Variants in RFX3 observed in about 807,000 individuals in gnomAD.
The protein encoded by RFX3 is regulatory factor X3, also known as transcription factor RFX3.
RFX3 carries 14 observed loss-of-function variants against 98.6 expected under a neutral mutation model. The ratio of observed to expected loss-of-function variants is 0.14; its 90% CI spans 0.09 to 0.22. RFX3 has a LOEUF of 0.22. Ranked by LOEUF, RFX3 falls within the 10% of genes least tolerant of loss-of-function variation. The pLI, the probability that RFX3 is intolerant of heterozygous loss-of-function variation, is 1.00. For synonymous variants in RFX3, 383 were observed against 328.4 expected (o/e 1.17, Z -1.80); for missense variants, 639 against 926.9 (o/e 0.69, Z 4.03).
chr9:3,305,770 G>A (rs1829227892), intron 4 of RFX3, among the ~76,000 whole-genome samples: 2 of 151,980 alleles, frequency 1.3e-5, no homozygotes, highest in Admixed American at 1.3e-4. Flanking sequence ...TAGATAAAAT[G>A]TTAGTGAATT....
In RFX3 at chr9:3,351,909, T is replaced by C. The variant is rs554160549; in HGVS notation, c.118-5145A>G. Among the ~76,000 whole-genome samples the C allele has an allele frequency of 4.3e-4, 66 of 152,118 alleles. 3 individuals carry two copies. The South Asian group carries it at 0.013, about 30-fold the overall frequency. On this transcript the variant is annotated intron_variant, in intron 2 of 16. Transcript: ENST00000617270. ...GTAATTTATAAGCAGGCATATCATT[T>C]GACATTTTTGTGAATTTATTCAACA... is the stretch of plus-strand genomic sequence containing the variant.
At chr9:3,471,970 A>C (rs1218822651) in intron 1 of RFX3, among the ~76,000 whole-genome samples, 1 of 152,226 alleles carries the variant, frequency 6.6e-6, no homozygotes, top group Admixed American at 6.5e-5. Flanking sequence ...CTCGTGGCTG[A>C]CTTATGATAA....
rs542143230 is a variant in RFX3 at position 3,437,299 on chromosome 9, C to T, written c.-8-41703G>A. 7.6e-4 allele frequency among the ~76,000 whole-genome samples: 116 copies of T among 152,112 alleles called. 1 individual carries two copies. The highest frequency in any genetic ancestry group is 2.7e-3 in the African/African-American group (113 of 41,534). On this transcript the variant is annotated intron_variant, in intron 1 of 16. Transcript: ENST00000617270. Reference sequence around the variant, plus strand: ...GAGACATTTAGTTTTTGGCATCATTCGTCAGCTTACAAATCATCAGTCCTA... The same window carrying T: ...GAGACATTTAGTTTTTGGCATCATTTGTCAGCTTACAAATCATCAGTCCTA...
chr9:3,524,849 A>G (rs963909316), intron 1 of RFX3, among the ~76,000 whole-genome samples: 181 of 136,772 alleles, frequency 1.3e-3, no homozygotes, highest in African/African-American at 4.3e-3. Context: ...ACACACACAC[A>G]CACACACACA....
intron 2 of RFX3, among the ~76,000 whole-genome samples, chr9:3,372,533 T>TCTTTCTTC (rs1265618505): frequency 2.2e-4 from 32 of 145,170 alleles, no homozygotes; most frequent in African/African-American, 7.8e-4. Flanking sequence ...ATCTTTTTTT[T>TCTTTCTTC]CTTTCTTTCT....
chr9:3,330,175 G>T (rs1202387905), intron 4 of RFX3, 84 bp downstream of exon 4: 11 of 1,401,506 alleles, frequency 7.8e-6, no homozygotes, highest in South Asian at 1.3e-5. Context: ...TCCCATCTGT[G>T]TTGTTCTTTT....
intron 4 of RFX3, among the ~76,000 whole-genome samples, chr9:3,329,266 G>T (rs887574260): frequency 1.3e-5 from 2 of 151,758 alleles, no homozygotes; most frequent in Non-Finnish European, 2.9e-5. Flanking sequence ...AAATTAGCCA[G>T]GCATGGTGGC....
intron 4 of RFX3, among the ~76,000 whole-genome samples, chr9:3,317,950 G>C (rs963935847): frequency 3.3e-5 from 5 of 152,194 alleles, no homozygotes; most frequent in African/African-American, 1.2e-4. Context: ...TAACCATTGT[G>C]AAAGACAGTG....
At chr9:3,382,899 T>C (rs1839338341) in intron 2 of RFX3, among the ~76,000 whole-genome samples, 1 of 152,172 alleles carries the variant, frequency 6.6e-6, no homozygotes, top group Non-Finnish European at 1.5e-5. Context: ...TTGCTTAGAA[T>C]ATATATGGCA....
chr9:3,408,849 C>T (rs954808248), intron 1 of RFX3, among the ~76,000 whole-genome samples: 1 of 152,118 alleles, frequency 6.6e-6, no homozygotes. Flanking sequence ...TTTCCCCGTC[C>T]CTGGCAGAGA....
chr9:3,450,650 T>A (rs1479138565), intron 1 of RFX3, among the ~76,000 whole-genome samples: 1 of 152,184 alleles, frequency 6.6e-6, no homozygotes, highest in Non-Finnish European at 1.5e-5. Flanking sequence ...CCAGAGTTAA[T>A]CCCAACCTGC....
intron 1 of RFX3, among the ~76,000 whole-genome samples, chr9:3,467,156 T>C (rs200419828): frequency 2.4e-5 from 3 of 122,662 alleles, no homozygotes; most frequent in South Asian, 2.3e-4. Context: ...ATAATATATA[T>C]GTATATACGT....
intron 1 of RFX3, among the ~76,000 whole-genome samples, chr9:3,442,273 A>G (rs1359936305): frequency 6.6e-6 from 1 of 152,206 alleles, no homozygotes; most frequent in Non-Finnish European, 1.5e-5. Flanking sequence ...AATCAAGGTT[A>G]AGCAACATCA....
At chr9:3,294,860 C>T (rs1586919905) in intron 5 of RFX3, among the ~76,000 whole-genome samples, 1 of 152,048 alleles carries the variant, frequency 6.6e-6, no homozygotes, top group South Asian at 2.1e-4. Flanking sequence ...GACACATATA[C>T]GAATGAATAT....
At chr9:3,383,640 G>C (rs755805847) in intron 2 of RFX3, among the ~76,000 whole-genome samples, 29 of 152,182 alleles carry the variant, frequency 1.9e-4, no homozygotes, top group Non-Finnish European at 3.7e-4. Flanking sequence ...AAAGAGAGTG[G>C]CTCCAGTTTG....
At chr9:3,311,309 A>C (rs773257527) in intron 4 of RFX3, among the ~76,000 whole-genome samples, 6 of 152,192 alleles carry the variant, frequency 3.9e-5, no homozygotes, top group Non-Finnish European at 7.4e-5. Context: ...TTGCATCTTG[A>C]GATCAGGTAA....
chr9:3,271,195 G>A, intron 9 of RFX3, 77 bp from the exon 10 acceptor site: 2 of 1,208,454 alleles, frequency 1.7e-6, no homozygotes, highest in South Asian at 2.6e-5. Flanking sequence ...AACATGACAA[G>A]ATTTTATATG....
intron 1 of RFX3, among the ~76,000 whole-genome samples, chr9:3,415,512 A>G (rs886743278): frequency 1.3e-5 from 2 of 152,156 alleles, no homozygotes; most frequent in African/African-American, 4.8e-5. Context: ...GTATTCCATT[A>G]CTGAAGGCAG....
chr9:3,403,605 T>A (rs1044833392), intron 1 of RFX3, among the ~76,000 whole-genome samples: 31 of 152,250 alleles, frequency 2.0e-4, no homozygotes, highest in African/African-American at 7.2e-4. Context: ...TTTCCTTGAC[T>A]CAGAATAGAT....
Sources: allele counts gnomAD v4.1 joint callset (sites outside exome capture counted in the v4.1 genomes callset), GRCh38; gene constraint gnomAD v4.1.1; transcripts MANE v1.5; gene names NCBI Gene and HGNC (gene_info 2026-07-23, HGNC 2026-07-21).